The following NOS1 variants were observed in gnomAD, a reference collection of about 807,000 sequenced individuals.
NOS1 encodes the protein nitric oxide synthase 1.
Under a neutral mutation model 164.5 loss-of-function variants are expected in NOS1, and 51 were observed. The ratio of observed to expected loss-of-function variants is 0.31; its 90% confidence interval spans 0.25 to 0.39. NOS1 has a LOEUF of 0.39. NOS1 is among the 10% of genes least tolerant of loss of function. The pLI, the probability that NOS1 is intolerant of heterozygous loss-of-function variation, is 1.00. For missense variants in NOS1, 1,362 were observed against 1,885.6 expected (o/e 0.72, Z 5.14); for synonymous variants, 719 against 745.8 (o/e 0.96, Z 0.59).
chr12:117,343,458 C>G (rs1240424920), intron 1 of NOS1, among the ~76,000 whole-genome samples: 1 of 152,128 alleles, frequency 6.6e-6, no homozygotes, highest in East Asian at 1.9e-4. Flanking sequence ...AAAATATGCT[C>G]AATTTGGCTC....
rs562456801 is a variant in NOS1 at position 117,271,082 on chromosome 12, G to T, written c.1839+1303C>A. On this transcript the variant is annotated intron_variant, in intron 10 of 28. Coordinates refer to ENST00000317775, the MANE Select transcript of NOS1 (RefSeq NM_000620.5). ...CAAAAAGAAAGAAAGAAAAAAGTTT[G>T]CATTGCATCAGTGGTTGTCCAGAAG... Among the ~76,000 whole-genome samples the T allele has an allele frequency of 9.3e-5, 14 of 151,266 alleles. No individual in the cohort carries two copies. The East Asian group carries it at 1.8e-3, about 19-fold the overall frequency.
At chr12:117,251,860 T>C (rs1871127644) in intron 17 of NOS1, among the ~76,000 whole-genome samples, 1 of 151,896 alleles carries the variant, frequency 6.6e-6, no homozygotes, top group South Asian at 2.1e-4. Context: ...GTCTCCAGAG[T>C]AGCTGGGACC....
At chr12:117,250,413 C>G (rs1161993930) in intron 17 of NOS1, among the ~76,000 whole-genome samples, 1 of 150,428 alleles carries the variant, frequency 6.6e-6, no homozygotes, top group African/African-American at 2.5e-5. Flanking sequence ...ACTGCAGCCT[C>G]TGCCTCCCAG....
At chr12:117,270,022 C>T (rs575537980) in intron 10 of NOS1, among the ~76,000 whole-genome samples, 7 of 152,276 alleles carry the variant, frequency 4.6e-5, no homozygotes, top group African/African-American at 1.4e-4. Flanking sequence ...AGATGCCTAA[C>T]GTCTAAGACC....
At chr12:117,261,167 A>G (rs1376113107) in intron 13 of NOS1, among the ~76,000 whole-genome samples, 9 of 125,142 alleles carry the variant, frequency 7.2e-5, no homozygotes, top group Non-Finnish European at 1.5e-4. Flanking sequence ...CGACAGAGTG[A>G]GACTCTGCCT....
chr12:117,255,150 T>C (rs943409257), intron 16 of NOS1, among the ~76,000 whole-genome samples: 1 of 152,114 alleles, frequency 6.6e-6, no homozygotes, highest in African/African-American at 2.4e-5. Flanking sequence ...AAGGAAGATG[T>C]CTTTGGGACT....
At chr12:117,338,407 G>A (rs923375820) in intron 1 of NOS1, among the ~76,000 whole-genome samples, 15 of 145,496 alleles carry the variant, frequency 1.0e-4, no homozygotes, top group South Asian at 9.0e-4. Flanking sequence ...TTTCATAGGC[G>A]GGAACTGAAC....
chr12:117,299,069 C>T (rs924384658), intron 3 of NOS1, among the ~76,000 whole-genome samples: 2 of 152,226 alleles, frequency 1.3e-5, no homozygotes, highest in Non-Finnish European at 2.9e-5. Context: ...ACGCCACACA[C>T]TGTGCCCTTT....
chr12:117,329,941 G>GC (rs1417264679), intron 2 of NOS1, among the ~76,000 whole-genome samples: 1 of 152,092 alleles, frequency 6.6e-6, no homozygotes, highest in Admixed American at 6.6e-5. Context: ...AGGGTGCCAC[G>GC]CACACACGCC....
In NOS1 at chr12:117,209,349, G is replaced by C; in HGVS notation, c.*5960C>G. ...CTCAGCTTCCTACAGTACCCAAGACGGCCCCCACAAGAAAGAATTACCCAG... is the reference window on the plus strand; with the variant it reads ...CTCAGCTTCCTACAGTACCCAAGACCGCCCCCACAAGAAAGAATTACCCAG... On this transcript the variant is annotated 3_prime_UTR_variant, in exon 29 of 29. Coordinates refer to ENST00000317775, the MANE Select transcript of NOS1 (RefSeq NM_000620.5). 1.0e-6 allele frequency: 1 copy of C among 972,834 alleles called. No homozygotes were observed. The highest frequency in any genetic ancestry group is 5.3e-4 in the Middle Eastern group (1 of 1,890). The allele number at this position is 972,834 out of a possible 1,614,324, so 60.3% of individuals were successfully genotyped here.
intron 17 of NOS1, 79 bp downstream of exon 17, chr12:117,253,559 C>T (rs555445661): frequency 2.3e-5 from 21 of 930,052 alleles, no homozygotes; most frequent in Middle Eastern, 3.3e-4. Context: ...CACAACGAAG[C>T]GCTCACTTTG....
chr12:117,361,017 T>C (rs372223784), intron 1 of NOS1, among the ~76,000 whole-genome samples: 1 of 151,990 alleles, frequency 6.6e-6, no homozygotes, highest in Non-Finnish European at 1.5e-5. Flanking sequence ...CCGAACCAAG[T>C]TGGGACGCGC....
At chr12:117,238,127 G>C (rs887423215) in intron 20 of NOS1, among the ~76,000 whole-genome samples, 4 of 152,130 alleles carry the variant, frequency 2.6e-5, no homozygotes, top group Non-Finnish European at 2.9e-5. Flanking sequence ...GATCACAAGA[G>C]CCTCATGATG....
Position 117,277,959 on chromosome 12 carries a change from T to C in NOS1, c.1664A>G (p.Lys555Arg). 1 of 1,610,816 alleles carries C rather than the reference T, an allele frequency of 6.2e-7. No individual in the cohort carries two copies. Among genetic ancestry groups the C allele is most frequent in the Non-Finnish European group, 8.5e-7 (1 of 1,177,626 alleles). ...LVLEVPIRHPKFEWFKDLGLK... is the reference protein window; with the variant it reads ...LVLEVPIRHPRFEWFKDLGLK... ...CCCACCCCTTGCCAGTCCCTCTTAC[T>C]TGGGGTGCCTGATGGGAACTTCCAA... Residue 555 changes from lysine (K) to arginine (R), a missense_variant and splice_region_variant, in exon 9 of 29, where the codon AAG (lysine) becomes AGG (arginine). By Grantham distance (26) the Lys-to-Arg change is conservative (BLOSUM62 2). This residue lies in a region of NOS1 where 134 missense variants were observed against 267.3 expected (regional missense o/e 0.50). Coordinates refer to ENST00000317775, the MANE Select transcript of NOS1 (RefSeq NM_000620.5).
At position 117,211,575 on chromosome 12, in the gene NOS1, CCCA is replaced by C; in HGVS notation, c.*3731_*3733del. On this transcript the variant is annotated 3_prime_UTR_variant, in exon 29 of 29. Coordinates refer to ENST00000317775, the MANE Select transcript of NOS1 (RefSeq NM_000620.5). The stretch of plus-strand genomic sequence containing the variant: ...ACCTCTCCCCACGGTCTGGTCCCAG[CCCA>C]CCTTTTCTCACCCTCCTCAGCCTTC... 1.0e-6 allele frequency: 1 copy of C among 985,632 alleles called. No homozygotes were observed. The highest frequency in any genetic ancestry group is 1.2e-6 in the Non-Finnish European group (1 of 830,052). 61.1% of individuals were successfully genotyped at this position (985,632 alleles called of 1,614,324 possible). A position where few individuals can be genotyped will look rare whatever the true frequency, so the allele number is the denominator to read the frequency against.
chr12:117,217,223 G>C (rs1956625670), intron 28 of NOS1, among the ~76,000 whole-genome samples: 1 of 152,170 alleles, frequency 6.6e-6, no homozygotes, highest in South Asian at 2.1e-4. Flanking sequence ...GGGGATGAGA[G>C]AGCTGGTGGA....
At chr12:117,293,432 T>C (rs1419316712) in intron 3 of NOS1, among the ~76,000 whole-genome samples, 2 of 152,138 alleles carry the variant, frequency 1.3e-5, no homozygotes, top group African/African-American at 4.8e-5. Flanking sequence ...ATTTTAGCTT[T>C]TTAACTAGCT....
At position 117,286,170 on chromosome 12, in the gene NOS1, A is replaced by G. The variant is rs1317974223; in HGVS notation, c.1224T>C (p.Tyr408=). 4 of 1,614,164 alleles carry G rather than the reference A, an allele frequency of 2.5e-6. No homozygotes were observed. The highest frequency in any genetic ancestry group is 3.3e-5 in the Admixed American group (2 of 60,008). ...TYQLKDTELI[Y]GAKHAWRNAS... is the part of the protein sequence containing the mutation. ...CATTCCGCCAGGCGTGCTTGGCCCC[A>G]TAGATGAGCTCTGTGTCCTTGAGCT... Residue 408 remains tyrosine, a synonymous_variant, in exon 6 of 29, where the codon TAT becomes TAC. Transcript: ENST00000317775.
rs532674398 is a variant in NOS1, at chr12:117,227,029, T to C, written c.3617-259A>G. Among the ~76,000 whole-genome samples, 169 of 152,242 alleles carry C rather than the reference T, an allele frequency of 1.1e-3. 1 individual carries two copies. The highest frequency in any genetic ancestry group is 1.5e-4 in the Non-Finnish European group (10 of 68,010). ...CTATTGAAGGGTGCTTCTGGTGGCT[T>C]GCTGGGCTCCTGGGACGGGCACTGT... On this transcript the variant is annotated intron_variant, in intron 23 of 28. Coordinates refer to ENST00000317775, the MANE Select transcript of NOS1 (RefSeq NM_000620.5).
Sources: allele counts gnomAD v4.1 joint callset (sites outside exome capture counted in the v4.1 genomes callset), GRCh38; gene constraint gnomAD v4.1.1; regional missense constraint gnomAD v4.1.1; transcripts MANE v1.5; gene names NCBI Gene and HGNC (gene_info 2026-07-23, HGNC 2026-07-21).